The following PCCA variants were observed in gnomAD, a reference collection of about 807,000 sequenced individuals.
The protein encoded by PCCA is propionyl-CoA carboxylase alpha chain, mitochondrial.
PCCA carries 74 observed loss-of-function variants against 101.3 expected under a neutral mutation model. The ratio of observed to expected loss-of-function variants is 0.73; its 90% CI spans 0.61 to 0.89. PCCA has a LOEUF of 0.89. Ranked by LOEUF, PCCA falls within the 40% of genes least tolerant of loss-of-function variation. The pLI is 0.00. For synonymous variants in PCCA, 294 were observed against 313.6 expected (o/e 0.94, Z 0.66); for missense variants, 891 against 907.0 (o/e 0.98, Z 0.23).
chr13:100,366,769 A>C (rs2075204688), intron 18 of PCCA, among the ~76,000 whole-genome samples: 1 of 152,018 alleles, frequency 6.6e-6, no homozygotes. Context: ...CTGTGTGTAC[A>C]GTGTGCATTA....
chr13:100,112,095 T>A, intron 4 of PCCA, 34 bp downstream of exon 4: 2 of 1,517,856 alleles, frequency 1.3e-6, no homozygotes, highest in East Asian at 4.5e-5. Context: ...AAATCAGGAC[T>A]TAATTTTGGG....
chr13:100,200,127 C>A (rs2058379084), intron 6 of PCCA, among the ~76,000 whole-genome samples: 1 of 151,978 alleles, frequency 6.6e-6, no homozygotes, highest in Non-Finnish European at 1.5e-5. Context: ...ATTTTTGAGA[C>A]AGAGTCTCAC....
At chr13:100,173,823 T>G (rs2055965926) in intron 6 of PCCA, among the ~76,000 whole-genome samples, 1 of 152,168 alleles carries the variant, frequency 6.6e-6, no homozygotes, top group Non-Finnish European at 1.5e-5. Flanking sequence ...TGTGTTGTTC[T>G]TGTGATAGTG....
chr13:100,525,932 T>C (rs191177288), intron 22 of PCCA, among the ~76,000 whole-genome samples: 86 of 152,308 alleles, frequency 5.6e-4, no homozygotes, highest in Admixed American at 2.8e-3. Flanking sequence ...ATTTCTACTA[T>C]GTTCTGTTGA....
chr13:100,090,343 A>G (rs2152197246), intron 1 of PCCA, among the ~76,000 whole-genome samples: 1 of 152,216 alleles, frequency 6.6e-6, no homozygotes, highest in East Asian at 1.9e-4. Context: ...CATACAGTTT[A>G]GTGTTCTTTA....
intron 7 of PCCA, among the ~76,000 whole-genome samples, chr13:100,232,300 C>T (rs902193099): frequency 2.0e-5 from 3 of 151,006 alleles, no homozygotes; most frequent in Non-Finnish European, 4.4e-5. Flanking sequence ...TTCTTTCTCC[C>T]TGATCTTTCC....
rs759944771 is a variant in PCCA at position 100,340,188 on chromosome 13, G to T, written c.1572G>T (p.Gln524His). 6.2e-7 allele frequency: 1 copy of T among 1,608,978 alleles called. No homozygotes were observed. The highest frequency in any genetic ancestry group is 2.2e-5 in the East Asian group (1 of 44,838). ...TGCTAACCAAGAGTGAGAAGAACCA[G>T]TTATTGGCAATAGCATCATCATTGT... Reference protein sequence around the residue: ...GHMLTKSEKNQLLAIASSLFV... With the variant: ...GHMLTKSEKNHLLAIASSLFV... Residue 524 changes from glutamine (Q) to histidine (H), a missense_variant, in exon 18 of 24, where the codon CAG becomes CAT. Coordinates refer to ENST00000376285, the MANE Select transcript of PCCA (RefSeq NM_000282.4).
Position 100,150,637 on chromosome 13 carries a change from T to C in PCCA, c.301-4342T>C, listed in dbSNP as rs1026875761. 8 of 1,280,166 alleles carry C rather than the reference T, an allele frequency of 6.2e-6. No homozygotes were observed. In the African/African-American group the frequency reaches 1.2e-4, roughly 19 times the overall value. The allele number at this position is 1,280,166 out of a possible 1,614,324, so 79.3% of individuals were successfully genotyped here. A position where few individuals can be genotyped will look rare whatever the true frequency, so the allele number is the denominator to read the frequency against. On this transcript the variant is annotated intron_variant, in intron 4 of 23. Coordinates refer to ENST00000376285, the MANE Select transcript of PCCA (RefSeq NM_000282.4). ...CACATCTCCCTGTGCTGTGGACTGA[T>C]TTGGTGATCCATTAGGTGTCAGGAT... is the stretch of plus-strand genomic sequence containing the variant.
chr13:100,352,167 G>A (rs1462670575), intron 18 of PCCA, among the ~76,000 whole-genome samples: 1 of 152,032 alleles, frequency 6.6e-6, no homozygotes, highest in African/African-American at 2.4e-5. Context: ...CCTACCTGAT[G>A]GGTAATTAAT....
At chr13:100,376,934 G>A (rs2075949640) in intron 19 of PCCA, among the ~76,000 whole-genome samples, 1 of 152,252 alleles carries the variant, frequency 6.6e-6, no homozygotes, top group East Asian at 1.9e-4. Context: ...CCCTGGTGGT[G>A]TAGGCTTCCA....
chr13:100,097,911 C>G (rs144827980), intron 1 of PCCA, among the ~76,000 whole-genome samples: 1 of 152,144 alleles, frequency 6.6e-6, no homozygotes, highest in Non-Finnish European at 1.5e-5. Context: ...ATAGTCCCAG[C>G]TATTCAGGAG....
chr13:100,388,835 G>C lies in PCCA; in HGVS notation c.1746+20261G>C, dbSNP rs568489624. Among the ~76,000 whole-genome samples, 6 of 152,216 alleles carry C rather than the reference G, an allele frequency of 3.9e-5. No individual in the cohort carries two copies. In the South Asian group the frequency reaches 1.2e-3, roughly 32 times the overall value. On this transcript the variant is annotated intron_variant, in intron 19 of 23. Transcript: ENST00000376285. ...ATTAAAAAGTTTTAAAATTCACTTT[G>C]GTATGATATTTTGACCCCTCAAAGT...
chr13:100,375,029 C>T (rs894391456), intron 19 of PCCA, among the ~76,000 whole-genome samples: 1 of 152,170 alleles, frequency 6.6e-6, no homozygotes, highest in African/African-American at 2.4e-5. Flanking sequence ...CCTTTAAACA[C>T]TACTTTAGCT....
At position 100,472,276 on chromosome 13, in the gene PCCA, C is replaced by T. The variant is rs575301281; in HGVS notation, c.1899+22971C>T. On this transcript the variant is annotated intron_variant, in intron 21 of 23. Transcript: ENST00000376285. Reference sequence around the variant, plus strand: ...GTTTGGGCAAGGTCCCTGGGCACGACGACCTTGGTGGGTCAGAGGTTCTCC... The same window carrying T: ...GTTTGGGCAAGGTCCCTGGGCACGATGACCTTGGTGGGTCAGAGGTTCTCC... Among the ~76,000 whole-genome samples the T allele has an allele frequency of 5.3e-5, 8 of 152,180 alleles. No individual in the cohort carries two copies. The East Asian group carries it at 9.7e-4, about 18-fold the overall frequency.
At chr13:100,303,220 A>C (rs2066199406) in intron 14 of PCCA, among the ~76,000 whole-genome samples, 1 of 152,208 alleles carries the variant, frequency 6.6e-6, no homozygotes, top group African/African-American at 2.4e-5. Flanking sequence ...ATCTGATGAT[A>C]TAAATGATAG....
intron 19 of PCCA, among the ~76,000 whole-genome samples, chr13:100,422,311 T>A (rs191699808): frequency 1.3e-4 from 20 of 151,474 alleles, no homozygotes; most frequent in South Asian, 4.2e-4. Flanking sequence ...GTAAAAAAAA[T>A]TTTTTTTGTA....
At chr13:100,388,796 AAAAAAT>A (rs1327291183) in intron 19 of PCCA, among the ~76,000 whole-genome samples, 1 of 152,348 alleles carries the variant, frequency 6.6e-6, no homozygotes, top group African/African-American at 2.4e-5. Context: ...ACTCCGTCTT[AAAAAAT>A]AAAAATAATT....
chr13:100,291,191 C>A (rs577825918), intron 12 of PCCA, among the ~76,000 whole-genome samples: 13 of 152,168 alleles, frequency 8.5e-5, no homozygotes, highest in African/African-American at 3.1e-4. Context: ...GGCAGGAGGA[C>A]TGTTTGAGCC....
At chr13:100,263,781 ATACG>A (rs1398692716) in intron 10 of PCCA, among the ~76,000 whole-genome samples, 1 of 151,882 alleles carries the variant, frequency 6.6e-6, no homozygotes, top group Non-Finnish European at 1.5e-5. Context: ...TATATCATAT[ATACG>A]GTATCTGTAT....
Sources: gnomAD v4.1 joint callset for allele counts (sites outside exome capture counted in the v4.1 genomes callset) on GRCh38, gnomAD v4.1.1 for gene constraint, MANE v1.5 for transcripts, NCBI Gene and HGNC (gene_info 2026-07-23, HGNC 2026-07-21) for gene names.